Variants in EFNA5 observed in about 807,000 individuals in gnomAD.
EFNA5 encodes the protein ephrin A5.
A neutral mutation model predicts 22.9 loss-of-function variants in EFNA5; 5 were observed. That is an observed-to-expected ratio of 0.22 (90% confidence interval 0.11 to 0.46). EFNA5 has a LOEUF of 0.46. Among genes scored for constraint, EFNA5 ranks in the 20% least tolerant of loss-of-function variants. EFNA5 has a pLI of 0.99. For missense variants in EFNA5, 237 were observed against 293.3 expected (o/e 0.81, Z 1.40); for synonymous variants, 113 against 112.2 (o/e 1.01, Z -0.04).
chr5:107,394,490 T>G (rs1747868484), intron 2 of EFNA5, among the ~76,000 whole-genome samples: 4 of 152,214 alleles, frequency 2.6e-5, no homozygotes. Context: ...AAACATATTC[T>G]GCAAGTTAAA....
At chr5:107,657,036 C>T (rs990176384) in intron 1 of EFNA5, among the ~76,000 whole-genome samples, 27 of 152,154 alleles carry the variant, frequency 1.8e-4, no homozygotes, top group African/African-American at 4.6e-4. Context: ...TTTTACTATA[C>T]GCAGTTAAAT....
intron 1 of EFNA5, among the ~76,000 whole-genome samples, chr5:107,662,790 T>TA (rs5870277): frequency 0.85 from 113,925 of 133,296 alleles, 48,632 homozygotes; most frequent in East Asian, 0.96. Flanking sequence ...CTTGAGTAAT[T>TA]AAAAAAAAAA....
chr5:107,582,495 C>G (rs1421413756), intron 1 of EFNA5, among the ~76,000 whole-genome samples: 1 of 152,098 alleles, frequency 6.6e-6, no homozygotes, highest in Non-Finnish European at 1.5e-5. Flanking sequence ...CATCTTTAGT[C>G]AGTTTAGGAA....
At chr5:107,496,329 T>A (rs1580494683) in intron 1 of EFNA5, among the ~76,000 whole-genome samples, 1 of 104,898 alleles carries the variant, frequency 9.5e-6, no homozygotes, top group African/African-American at 4.2e-5. Flanking sequence ...AGAGCAAAAT[T>A]CCATCTCAAA....
chr5:107,492,722 A>C (rs1275966550), intron 1 of EFNA5, among the ~76,000 whole-genome samples: 3 of 152,098 alleles, frequency 2.0e-5, no homozygotes, highest in African/African-American at 4.8e-5. Context: ...TCCTTGGCCG[A>C]GCACGGTGGA....
At chr5:107,429,256 A>C (rs1748885680) in intron 1 of EFNA5, among the ~76,000 whole-genome samples, 1 of 152,212 alleles carries the variant, frequency 6.6e-6, no homozygotes, top group South Asian at 2.1e-4. Context: ...CAATCTGGCC[A>C]ACATGGCGAA....
chr5:107,497,919 G>C (rs546375497), intron 1 of EFNA5, among the ~76,000 whole-genome samples: 7 of 152,208 alleles, frequency 4.6e-5, no homozygotes, highest in Middle Eastern at 3.4e-3. Context: ...TTTATTATTA[G>C]TAGTATTATT....
intron 1 of EFNA5, among the ~76,000 whole-genome samples, chr5:107,613,711 A>C (rs1460464810): frequency 6.6e-6 from 1 of 152,152 alleles, no homozygotes; most frequent in African/African-American, 2.4e-5. Context: ...AATTTCAAAT[A>C]AATGAAAAGA....
intron 1 of EFNA5, among the ~76,000 whole-genome samples, chr5:107,644,163 C>A (rs1248343974): frequency 1.3e-5 from 2 of 152,134 alleles, no homozygotes; most frequent in African/African-American, 4.8e-5. Context: ...GCGATACAAG[C>A]TGAAAGATGC....
chr5:107,481,824 T>C (rs1374505766), intron 1 of EFNA5, among the ~76,000 whole-genome samples: 2 of 136,782 alleles, frequency 1.5e-5, no homozygotes, highest in Non-Finnish European at 3.0e-5. Flanking sequence ...CACTGCAGCC[T>C]GGGTGGTAGA....
intron 1 of EFNA5, among the ~76,000 whole-genome samples, chr5:107,473,428 C>T (rs768001688): frequency 2.0e-5 from 3 of 152,066 alleles, no homozygotes; most frequent in Non-Finnish European, 4.4e-5. Flanking sequence ...CATATACACA[C>T]CAAGAAGAGC....
intron 2 of EFNA5, among the ~76,000 whole-genome samples, chr5:107,395,579 TAAG>T (rs1470322588): frequency 7.9e-5 from 12 of 152,232 alleles, no homozygotes; most frequent in Admixed American, 7.9e-4. Flanking sequence ...TTTGAACAGT[TAAG>T]AAAAAGTTTT....
Position 107,619,382 on chromosome 5 carries a change from A to T in EFNA5, c.125+51107T>A, listed in dbSNP as rs537699715. Among the ~76,000 whole-genome samples, 3 of 152,310 alleles carry T rather than the reference A, an allele frequency of 2.0e-5. No homozygotes were observed. The East Asian group carries it at 5.8e-4, about 29-fold the overall frequency. On this transcript the variant is annotated intron_variant, in intron 1 of 4. Transcript: ENST00000333274. ...GCAAGCCTTGCCAAATAAAATATTT[A>T]AAAAATCAAAGCAAATTAAAATGCA...
intron 1 of EFNA5, among the ~76,000 whole-genome samples, chr5:107,452,462 G>A (rs904162725): frequency 1.8e-4 from 27 of 152,048 alleles, no homozygotes; most frequent in South Asian, 4.1e-4. Flanking sequence ...AATGGCTCAC[G>A]CCTGTAATCT....
chr5:107,431,625 C>T (rs1168679842), intron 1 of EFNA5, among the ~76,000 whole-genome samples: 2 of 152,170 alleles, frequency 1.3e-5, no homozygotes, highest in African/African-American at 4.8e-5. Flanking sequence ...CCCACTCTGA[C>T]CTCAGAACCA....
chr5:107,577,037 T>C (rs1377030078), intron 1 of EFNA5, among the ~76,000 whole-genome samples: 1 of 152,200 alleles, frequency 6.6e-6, no homozygotes, highest in Non-Finnish European at 1.5e-5. Flanking sequence ...GTATCTATAT[T>C]TCACTCTTAG....
At position 107,379,483 on chromosome 5, in the gene EFNA5, C is replaced by A. The variant is rs1272488881; in HGVS notation, c.*1772G>T. The stretch of plus-strand genomic sequence containing the variant: ...AATGCTTTCAATTTTTCACATTTTA[C>A]ATGATCATCACATTTATTTCTTATA... On this transcript the variant is annotated 3_prime_UTR_variant, in exon 5 of 5. Transcript: ENST00000333274. 1.4e-5 allele frequency: 2 copies of A among 140,960 alleles called. No homozygotes were observed. The highest frequency in any genetic ancestry group is 2.7e-5 in the African/African-American group (1 of 37,484). 8.7% of individuals were successfully genotyped at this position (140,960 alleles called of 1,614,324 possible).
chr5:107,535,326 AAGTAGGCAATTTGCC>A (rs1399461746), intron 1 of EFNA5, among the ~76,000 whole-genome samples: 1 of 152,226 alleles, frequency 6.6e-6, no homozygotes, highest in South Asian at 2.1e-4. Context: ...GTGGTTTAAA[AAGTAGGCAATTTGCC>A]AGTAGTAGCA....
intron 1 of EFNA5, among the ~76,000 whole-genome samples, chr5:107,588,032 G>A (rs1023930047): frequency 2.0e-5 from 3 of 152,120 alleles, no homozygotes; most frequent in Non-Finnish European, 4.4e-5. Context: ...TGGGAAGAAG[G>A]CTACATAATT....
Sources: allele counts gnomAD v4.1 joint callset (sites outside exome capture counted in the v4.1 genomes callset), GRCh38; gene constraint gnomAD v4.1.1; transcripts MANE v1.5; gene names NCBI Gene and HGNC (gene_info 2026-07-23, HGNC 2026-07-21).